MAML2: variants seen among roughly 807,000 people sequenced by gnomAD.
MAML2 encodes mastermind like transcriptional coactivator 2, also known as mastermind-like protein 2.
Under a neutral mutation model 96.1 loss-of-function variants are expected in MAML2, and 22 were observed. The ratio of observed to expected loss-of-function variants is 0.23; its 90% CI spans 0.16 to 0.33. MAML2 has a LOEUF of 0.33. Among genes scored for constraint, MAML2 ranks in the 10% least tolerant of loss-of-function variants. The pLI is 1.00. For synonymous variants in MAML2, 561 were observed against 521.3 expected, an observed-to-expected ratio of 1.08 and a Z score of -1.04; for missense variants, 1,367 against 1,392.4, an observed-to-expected ratio of 0.98 and a Z score of 0.29.
At chr11:96,001,428 T>A (rs1251945052) in intron 2 of MAML2, among the ~76,000 whole-genome samples, 2 of 152,212 alleles carry the variant, frequency 1.3e-5, no homozygotes, top group Non-Finnish European at 2.9e-5. Flanking sequence ...ATAAGTTGGC[T>A]TTTAGCTTTC....
chr11:96,200,434 T>G (rs530745241), intron 1 of MAML2, among the ~76,000 whole-genome samples: 94 of 152,344 alleles, frequency 6.2e-4, no homozygotes, highest in African/African-American at 2.0e-3. Context: ...TTCATTCTTT[T>G]TCTTCTGTTT....
chr11:96,179,376 T>C (rs1048849020), intron 1 of MAML2, among the ~76,000 whole-genome samples: 3 of 152,192 alleles, frequency 2.0e-5, no homozygotes, highest in Non-Finnish European at 4.4e-5. Context: ...GTCCACAGCC[T>C]TCTCTTTTTT....
chr11:96,322,472 C>T (rs1403827730), intron 1 of MAML2, among the ~76,000 whole-genome samples: 1 of 152,176 alleles, frequency 6.6e-6, no homozygotes, highest in Non-Finnish European at 1.5e-5. Flanking sequence ...GCGGGCGGAT[C>T]ACGAGGTCAG....
chr11:96,338,914 G>C (rs1189013640), intron 1 of MAML2, among the ~76,000 whole-genome samples: 1 of 152,184 alleles, frequency 6.6e-6, no homozygotes, highest in Non-Finnish European at 1.5e-5. Context: ...AATGGGCTTG[G>C]TGAATCACTT....
chr11:96,277,634 C>A (rs1863008266), intron 1 of MAML2, among the ~76,000 whole-genome samples: 1 of 151,582 alleles, frequency 6.6e-6, no homozygotes, highest in Non-Finnish European at 1.5e-5. Context: ...CGCCTGTAAT[C>A]CCAGCTATCT....
At position 95,999,758 on chromosome 11, in the gene MAML2, T is replaced by A. The variant is rs569568684; in HGVS notation, c.2140-8035A>T. Among the ~76,000 whole-genome samples the A allele has an allele frequency of 5.3e-5, 8 of 152,244 alleles. No homozygotes were observed. The South Asian group carries it at 1.5e-3, about 28-fold the overall frequency. ...ATTTTGGCGTGGGATGACTGCCCTTTCTTTTTCTTGGCTTCTAGAGCTAGG... is the reference window on the plus strand; with the variant it reads ...ATTTTGGCGTGGGATGACTGCCCTTACTTTTTCTTGGCTTCTAGAGCTAGG... On this transcript the variant is annotated intron_variant, in intron 2 of 4. Transcript: ENST00000524717.
chr11:96,138,793 G>A (rs1265966034), intron 1 of MAML2, among the ~76,000 whole-genome samples: 1 of 151,722 alleles, frequency 6.6e-6, no homozygotes, highest in African/African-American at 2.4e-5. Context: ...CCAGAACCTG[G>A]GAATCCTCCT....
chr11:96,262,499 G>A (rs558842330), intron 1 of MAML2, among the ~76,000 whole-genome samples: 4 of 149,262 alleles, frequency 2.7e-5, no homozygotes, highest in Admixed American at 6.7e-5. Context: ...ATGGAGTCTC[G>A]CTCTGTTGCC....
At chr11:96,207,945 T>C (rs1023096082) in intron 1 of MAML2, among the ~76,000 whole-genome samples, 1 of 152,172 alleles carries the variant, frequency 6.6e-6, no homozygotes, top group Non-Finnish European at 1.5e-5. Flanking sequence ...TGGTGTATAT[T>C]CAGAGAGGAA....
At chr11:96,187,224 A>C (rs7935459) in intron 1 of MAML2, among the ~76,000 whole-genome samples, 28,588 of 152,202 alleles carry the variant, frequency 0.19, 2,860 homozygotes, top group Middle Eastern at 0.25. Flanking sequence ...GATAACATAT[A>C]AAATGTGGCA....
chr11:96,133,111 C>T (rs916961103), intron 1 of MAML2, among the ~76,000 whole-genome samples: 1 of 152,102 alleles, frequency 6.6e-6, no homozygotes, highest in African/African-American at 2.4e-5. Flanking sequence ...GAGAAAACAT[C>T]GCCCTCAAGT....
At chr11:96,123,762 C>T (rs11607220) in intron 1 of MAML2, among the ~76,000 whole-genome samples, 53,299 of 151,792 alleles carry the variant, frequency 0.35, 9,663 homozygotes, top group East Asian at 0.61. Context: ...AGGAGGACAT[C>T]GGCTTCACAG....
intron 2 of MAML2, among the ~76,000 whole-genome samples, chr11:96,069,894 G>A (rs1429718389): frequency 2.6e-5 from 4 of 151,492 alleles, no homozygotes; most frequent in African/African-American, 4.9e-5. Flanking sequence ...GTGGTGGTGC[G>A]TGCCTGTAAT....
At chr11:96,152,797 T>A (rs1591042323) in intron 1 of MAML2, among the ~76,000 whole-genome samples, 2 of 152,172 alleles carry the variant, frequency 1.3e-5, no homozygotes, top group African/African-American at 4.8e-5. Flanking sequence ...CAATGTAGTT[T>A]AACAATGCAG....
intron 1 of MAML2, among the ~76,000 whole-genome samples, chr11:96,214,858 G>A (rs1862025961): frequency 6.6e-6 from 1 of 152,200 alleles, no homozygotes; most frequent in South Asian, 2.1e-4. Flanking sequence ...TGCCAAAAAT[G>A]CACATGCTCT....
chr11:96,211,596 A>G (rs1861972681), intron 1 of MAML2, among the ~76,000 whole-genome samples: 1 of 152,182 alleles, frequency 6.6e-6, no homozygotes, highest in Non-Finnish European at 1.5e-5. Context: ...AGAAGGGAAG[A>G]TCAGAGGTAT....
In MAML2 at chr11:96,221,768, A is replaced by C. The variant is rs892062186; in HGVS notation, c.513+119615T>G. On this transcript the variant is annotated intron_variant, in intron 1 of 4. Transcript: ENST00000524717. ...AATTTCCAAGCTCTCAGAGTACTTC[A>C]GTGTTAATAGAAAACAGCTAAAATG... 2.1e-5 allele frequency among the ~76,000 whole-genome samples: 3 copies of C among 145,236 alleles called. No individual in the cohort carries two copies. The Admixed American group carries it at 2.1e-4, about 10-fold the overall frequency.
chr11:96,004,259 T>A (rs1473936357), intron 2 of MAML2, among the ~76,000 whole-genome samples: 1 of 147,184 alleles, frequency 6.8e-6, no homozygotes, highest in Non-Finnish European at 1.5e-5. Flanking sequence ...AGTAAATGAG[T>A]AGTGATGGAG....
At chr11:96,125,480 G>A (rs1333846119) in intron 1 of MAML2, among the ~76,000 whole-genome samples, 2 of 152,158 alleles carry the variant, frequency 1.3e-5, no homozygotes, top group East Asian at 1.9e-4. Flanking sequence ...TTTTACAAAA[G>A]AGAATCCTGA....
Sources: allele counts gnomAD v4.1 joint callset (sites outside exome capture counted in the v4.1 genomes callset), GRCh38; gene constraint gnomAD v4.1.1; transcripts MANE v1.5; gene names NCBI Gene and HGNC (gene_info 2026-07-23, HGNC 2026-07-21).